DLEC1: variants seen among roughly 807,000 people sequenced by gnomAD.
The protein encoded by DLEC1 is deleted in lung and esophageal cancer protein 1.
In DLEC1, 146 loss-of-function variants were observed where a neutral mutation model predicts 198.1. The observed-to-expected ratio is 0.74, with a 90% CI of 0.64 to 0.85. The LOEUF (loss-of-function observed/expected upper bound fraction) is 0.85, where lower values mean the gene tolerates loss of function less well. DLEC1 is among the 40% of genes least tolerant of loss of function. DLEC1 has a pLI of 0.00. For missense variants in DLEC1, 2,233 were observed against 2,220.0 expected (o/e 1.01, Z -0.12); for synonymous variants, 897 against 866.8 (o/e 1.03, Z -0.61).
rs1699248584 is a variant in DLEC1 at position 38,100,439 on chromosome 3, G to T, written c.2864+14G>T. ...TGGTGCCTGGAGGTAAGGGTGCCGT[G>T]GGAAGAGCCACTACAACAAACTATG... On this transcript the variant is annotated intron_variant, in intron 19 of 36. Coordinates refer to ENST00000308059, the MANE Select transcript of DLEC1 (RefSeq NM_007335.4). 1 of 1,604,344 alleles carries T rather than the reference G, an allele frequency of 6.2e-7. No individual in the cohort carries two copies. Among genetic ancestry groups the T allele is most frequent in the African/African-American group, 1.3e-5 (1 of 74,460 alleles).
chr3:38,094,032 CAT>C (rs944035313), intron 12 of DLEC1, among the ~76,000 whole-genome samples: 15 of 152,340 alleles, frequency 9.8e-5, no homozygotes, highest in African/African-American at 3.6e-4. Context: ...TAGTGGCTGT[CAT>C]ATTGGACAGT....
intron 1 of DLEC1, 94 bp from the exon 2 acceptor site, chr3:38,045,449 C>T (rs1700839084): frequency 4.8e-6 from 7 of 1,466,632 alleles, no homozygotes; most frequent in Non-Finnish European, 5.5e-6. Flanking sequence ...CTATGCTTCA[C>T]TGGAAGCCCT....
intron 2 of DLEC1, among the ~76,000 whole-genome samples, chr3:38,049,136 GA>G (rs1575383225): frequency 6.6e-6 from 1 of 151,926 alleles, no homozygotes; most frequent in East Asian, 1.9e-4. Context: ...TCAGTTTGGA[GA>G]ATTTTTCAAT....
At chr3:38,109,758 G>C (rs1699763816) in intron 22 of DLEC1, 196 bp downstream of exon 22, 1 of 958,190 alleles carries the variant, frequency 1.0e-6, no homozygotes, top group African/African-American at 1.7e-5. Context: ...CCCTCTGTGT[G>C]GTCTCCCCAC....
chr3:38,092,884 G>T lies in DLEC1; in HGVS notation c.1756+4G>T, dbSNP rs368842151. 3 of 1,614,024 alleles carry T rather than the reference G, an allele frequency of 1.9e-6. No individual in the cohort carries two copies. Among genetic ancestry groups the T allele is most frequent in the Non-Finnish European group, 2.5e-6 (3 of 1,180,012 alleles). ...ATAAAGGAGCTGGTGACCATAGGTGGGCTTGAGTGTACTCCCAGGGGCAAG... is the reference window on the plus strand; with the variant it reads ...ATAAAGGAGCTGGTGACCATAGGTGTGCTTGAGTGTACTCCCAGGGGCAAG... On this transcript the variant is annotated splice_donor_region_variant and intron_variant, in intron 11 of 36. Transcript: ENST00000308059.
chr3:38,113,201 G>A (rs1699979107), intron 25 of DLEC1, among the ~76,000 whole-genome samples: 1 of 152,144 alleles, frequency 6.6e-6, no homozygotes, highest in Admixed American at 6.5e-5. Flanking sequence ...CAAAATAAAA[G>A]AGCCACAAAA....
At chr3:38,115,873 T>C (rs1700130130) in intron 27 of DLEC1, among the ~76,000 whole-genome samples, 3 of 151,590 alleles carry the variant, frequency 2.0e-5, no homozygotes, top group Non-Finnish European at 4.4e-5. Context: ...CCAGCTTAGG[T>C]TGGGGACAGA....
chr3:38,105,733 T>TGGA (rs1699535599), intron 19 of DLEC1, among the ~76,000 whole-genome samples: 1 of 152,180 alleles, frequency 6.6e-6, no homozygotes, highest in Non-Finnish European at 1.5e-5. Context: ...ATCTCTGCCT[T>TGGA]TTGATTGGAT....
rs573366448 is a variant in DLEC1 at position 38,056,178 on chromosome 3, A to G, written c.563-3564A>G. On this transcript the variant is annotated intron_variant, in intron 2 of 36. Coordinates refer to ENST00000308059, the MANE Select transcript of DLEC1 (RefSeq NM_007335.4). ...CTTGGGAGGCTGAGATGGGAGGATCACCTGAGCTAGGGAGGTGGAGGTTGC... is the reference window on the plus strand; with the variant it reads ...CTTGGGAGGCTGAGATGGGAGGATCGCCTGAGCTAGGGAGGTGGAGGTTGC... Among the ~76,000 whole-genome samples the G allele has an allele frequency of 2.0e-5, 3 of 151,734 alleles. No individual in the cohort carries two copies. In the South Asian group the frequency reaches 6.2e-4, roughly 32 times the overall value.
chr3:38,063,930 T>A lies in DLEC1; in HGVS notation c.1173+11T>A. 1 of 1,598,462 alleles carries A rather than the reference T, an allele frequency of 6.3e-7. No individual in the cohort carries two copies. Among genetic ancestry groups the A allele is most frequent in the Non-Finnish European group, 8.6e-7 (1 of 1,167,154 alleles). On this transcript the variant is annotated intron_variant, in intron 6 of 36. Coordinates refer to ENST00000308059, the MANE Select transcript of DLEC1 (RefSeq NM_007335.4). The stretch of plus-strand genomic sequence containing the variant: ...GGTCCAGTTTATGAGGTAGACATCT[T>A]GTTTCTTTACAGCTCCCACCCCATC...
chr3:38,106,792 A>AATTGAATTAG (rs996320617), intron 19 of DLEC1, among the ~76,000 whole-genome samples: 3 of 151,432 alleles, frequency 2.0e-5, no homozygotes, highest in Non-Finnish European at 4.4e-5. Context: ...CCTTTCAACT[A>AATTGAATTAG]ATTGAATTAG....
chr3:38,042,056 G>C (rs375881161), intron 1 of DLEC1, among the ~76,000 whole-genome samples: 17 of 151,818 alleles, frequency 1.1e-4, no homozygotes, highest in Non-Finnish European at 2.4e-4. Context: ...GCAGTGCCAC[G>C]ATCTTGGCTC....
At chr3:38,051,756 A>G (rs1410509527) in intron 2 of DLEC1, 3 of 165,900 alleles carry the variant, frequency 1.8e-5, no homozygotes, top group Non-Finnish European at 2.8e-5. Flanking sequence ...AAATTGAGCA[A>G]AAAATAAAAT....
At position 38,121,026 on chromosome 3, in the gene DLEC1, A is replaced by G. The variant is rs987686576; in HGVS notation, c.4866+417A>G. On this transcript the variant is annotated intron_variant, in intron 34 of 36. Transcript: ENST00000308059. ...AGCACCAGGGCGAGCACCATGGACC[A>G]GGTCACCAGGCCGTAGTGTGGAGGC... 3.8e-5 allele frequency among the ~76,000 whole-genome samples: 5 copies of G among 131,120 alleles called. No homozygotes were observed. The East Asian group carries it at 9.8e-4, about 26-fold the overall frequency. The allele number at this position is 131,120 out of a possible 152,430, so 86.0% of individuals were successfully genotyped here.
At chr3:38,054,214 CAAA>C (rs201106337) in intron 2 of DLEC1, among the ~76,000 whole-genome samples, 11 of 150,776 alleles carry the variant, frequency 7.3e-5, no homozygotes, top group Admixed American at 4.0e-4. Flanking sequence ...AAAAACAAAA[CAAA>C]AAAACAAACA....
chr3:38,114,889 TC>T, intron 26 of DLEC1, 93 bp from the exon 27 acceptor site: 1 of 1,096,374 alleles, frequency 9.1e-7, no homozygotes, highest in Non-Finnish European at 1.4e-6. Flanking sequence ...CTGTGGTATT[TC>T]CCCCTGCCTG....
Position 38,116,896 on chromosome 3 carries a change from T to C in DLEC1, c.4179+7T>C, listed in dbSNP as rs200413843. The C allele has an allele frequency of 4.3e-4, 694 of 1,612,616 alleles. No individual in the cohort carries two copies. The highest frequency in any genetic ancestry group is 5.5e-4 in the Non-Finnish European group (647 of 1,179,276). On this transcript the variant is annotated splice_region_variant and intron_variant, in intron 29 of 36. Transcript: ENST00000308059. ...TATCAGCCCCAAGCAGGTGGTGAGTTGGGGTATGGGCTGGGAGCTGTCTGC... is the reference window on the plus strand; with the variant it reads ...TATCAGCCCCAAGCAGGTGGTGAGTCGGGGTATGGGCTGGGAGCTGTCTGC...
At chr3:38,118,433 G>A (rs1018782350) in intron 33 of DLEC1, among the ~76,000 whole-genome samples, 1 of 152,138 alleles carries the variant, frequency 6.6e-6, no homozygotes, top group African/African-American at 2.4e-5. Flanking sequence ...GAGCCCATGG[G>A]GTTGCCATAA....
rs1176325876 is a variant in DLEC1 at position 38,081,593 on chromosome 3, C to T, written c.1174-2565C>T. On this transcript the variant is annotated intron_variant, in intron 6 of 36. Coordinates refer to ENST00000308059, the MANE Select transcript of DLEC1 (RefSeq NM_007335.4). ...GGGGCTGAGCCCCTCACCTCCCGGACGGGGCGGCTGGCCGGGCGGAGGGCT... is the reference window on the plus strand; with the variant it reads ...GGGGCTGAGCCCCTCACCTCCCGGATGGGGCGGCTGGCCGGGCGGAGGGCT... Among the ~76,000 whole-genome samples the T allele has an allele frequency of 7.8e-4, 82 of 104,982 alleles. 7 individuals are homozygous for T. The highest frequency in any genetic ancestry group is 8.0e-4 in the Non-Finnish European group (42 of 52,356). 68.9% of individuals were successfully genotyped at this position (104,982 alleles called of 152,430 possible).
Sources: allele counts gnomAD v4.1 joint callset (sites outside exome capture counted in the v4.1 genomes callset), GRCh38; gene constraint gnomAD v4.1.1; transcripts MANE v1.5; gene names NCBI Gene and HGNC (gene_info 2026-07-23, HGNC 2026-07-21).